The following DPH6 variants were observed in gnomAD, a reference collection of about 807,000 sequenced individuals.
DPH6 encodes diphthamine biosynthesis 6.
DPH6 carries 33 observed loss-of-function variants against 38.2 expected under a neutral mutation model. The observed-to-expected ratio is 0.86, with a 90% confidence interval of 0.65 to 1.15. The LOEUF (loss-of-function observed/expected upper bound fraction) is 1.15. DPH6 is among the 50% of genes most tolerant of loss of function. DPH6 has a pLI of 0.00. For synonymous variants in DPH6, 108 were observed against 103.0 expected, an observed-to-expected ratio of 1.05 and a Z score of -0.30; for missense variants, 325 against 320.0, an observed-to-expected ratio of 1.02 and a Z score of -0.12.
At chr15:35,479,734 T>C (rs944602492) in intron 3 of DPH6, among the ~76,000 whole-genome samples, 2 of 152,030 alleles carry the variant, frequency 1.3e-5, no homozygotes, top group Non-Finnish European at 2.9e-5. Context: ...CCCCTACAGG[T>C]CTCATGTTAA....
chr15:35,347,041 A>T (rs1435656993), intron 3 of DPH6, among the ~76,000 whole-genome samples: 1 of 152,076 alleles, frequency 6.6e-6, no homozygotes, highest in East Asian at 1.9e-4. Flanking sequence ...AGTATTTTTA[A>T]GTGTACAGTA....
At chr15:35,231,525 A>G (rs1242844505) in intron 3 of DPH6, among the ~76,000 whole-genome samples, 1 of 152,136 alleles carries the variant, frequency 6.6e-6, no homozygotes, top group African/African-American at 2.4e-5. Context: ...TTGTGTGTAG[A>G]AAGTTGTTAA....
intron 3 of DPH6, among the ~76,000 whole-genome samples, chr15:35,511,836 T>C (rs563339841): frequency 5.9e-5 from 9 of 152,280 alleles, no homozygotes; most frequent in African/African-American, 1.2e-4. Flanking sequence ...GATGGTGATA[T>C]ATTATTTTGC....
At chr15:35,248,555 T>A (rs1032755689) in intron 3 of DPH6, among the ~76,000 whole-genome samples, 2 of 152,222 alleles carry the variant, frequency 1.3e-5, no homozygotes, top group African/African-American at 4.8e-5. Flanking sequence ...CTACACGCTC[T>A]TCTTGCTTCA....
At chr15:35,500,517 A>G (rs992111177) in intron 3 of DPH6, among the ~76,000 whole-genome samples, 13 of 152,194 alleles carry the variant, frequency 8.5e-5, no homozygotes, top group African/African-American at 2.9e-4. Flanking sequence ...TGTGATTTGA[A>G]TAATAACACA....
chr15:35,162,487 T>C, the DPH6 span, among the ~76,000 whole-genome samples: 4 of 152,054 alleles, frequency 2.6e-5, no homozygotes, highest in Admixed American at 2.0e-4. Flanking sequence ...AGCTACTTAG[T>C]CCTTCTGAAA....
chr15:35,202,695 T>C, the DPH6 span, among the ~76,000 whole-genome samples: 2 of 151,848 alleles, frequency 1.3e-5, no homozygotes, highest in African/African-American at 4.8e-5. Flanking sequence ...AGCATTCTTT[T>C]GTACAGCATC....
intron 6 of DPH6, chr15:35,401,438 G>A (rs2053217654): frequency 7.7e-6 from 6 of 774,388 alleles, no homozygotes; most frequent in Non-Finnish European, 1.2e-5. Context: ...TATTCTGGAG[G>A]AAGCAGGGGC....
At chr15:35,339,770 CT>C (rs2052406020) in intron 3 of DPH6, among the ~76,000 whole-genome samples, 1 of 151,992 alleles carries the variant, frequency 6.6e-6, no homozygotes, top group East Asian at 1.9e-4. Context: ...GACTTTAGTT[CT>C]TTTGAATTTG....
intron 3 of DPH6, among the ~76,000 whole-genome samples, chr15:35,359,670 G>C (rs1231507056): frequency 6.6e-6 from 1 of 152,308 alleles, no homozygotes; most frequent in East Asian, 1.9e-4. Context: ...GTTTGGGAGA[G>C]AAAGGTCTCC....
chr15:35,507,380 C>T (rs989154587), intron 3 of DPH6, among the ~76,000 whole-genome samples: 1 of 151,896 alleles, frequency 6.6e-6, no homozygotes, highest in African/African-American at 2.4e-5. Context: ...TGAAAATAAA[C>T]AGTAATTTTA....
downstream of DPH6, among the ~76,000 whole-genome samples, chr15:35,370,682 T>C (rs1313870571): frequency 6.6e-6 from 1 of 151,694 alleles, no homozygotes; most frequent in African/African-American, 2.4e-5. Context: ...ATTCCTACAA[T>C]GCTCAATGCT....
chr15:35,522,303 G>T, intron 3 of DPH6: 1 of 1,607,444 alleles, frequency 6.2e-7, no homozygotes, highest in Non-Finnish European at 8.5e-7. Flanking sequence ...TTAGGAAAAC[G>T]TGGCAATCAG....
rs7162753 is a variant in DPH6, at chr15:35,465,727, A to G, written c.313-10907T>C. 9.7e-3 allele frequency among the ~76,000 whole-genome samples: 1,478 copies of G among 152,268 alleles called. 31 individuals are homozygous for G. The highest frequency in any genetic ancestry group is 0.034 in the African/African-American group (1,410 of 41,548). On this transcript the variant is annotated intron_variant, in intron 3 of 8. Transcript: ENST00000256538. ...AATGATCACCATCTGGAGCTCCCCC[A>G]TTAAACAGTGAGCTCATGACAGAAT...
At chr15:35,274,302 G>C (rs1377747318) in intron 3 of DPH6, among the ~76,000 whole-genome samples, 2 of 152,124 alleles carry the variant, frequency 1.3e-5, no homozygotes, top group Non-Finnish European at 1.5e-5. Context: ...TAAAACCCTG[G>C]AAGAAAACCT....
At chr15:35,386,677 T>C (rs1376391871) in intron 6 of DPH6, among the ~76,000 whole-genome samples, 1 of 152,122 alleles carries the variant, frequency 6.6e-6, no homozygotes, top group Non-Finnish European at 1.5e-5. Flanking sequence ...TCTTTGCCAA[T>C]TTTTTGATGG....
rs147567970 is a variant in DPH6 at position 35,227,079 on chromosome 15, C to T, written n.201-6497G>A. Reference sequence around the variant, plus strand: ...AGGTTGTATGTGCTGGAAATTTGTCCGTTTCTTTTAGATTTTCCAATTTAT... The same window carrying T: ...AGGTTGTATGTGCTGGAAATTTGTCTGTTTCTTTTAGATTTTCCAATTTAT... On this transcript the variant is annotated intron_variant and non_coding_transcript_variant, in intron 3 of 3. Coordinates refer to the DPH6 transcript ENST00000560386. Among the ~76,000 whole-genome samples, 452 of 151,232 alleles carry T rather than the reference C, an allele frequency of 3.0e-3. 1 individual carries two copies. Among genetic ancestry groups the T allele is most frequent in the Non-Finnish European group, 3.9e-3 (264 of 67,838 alleles).
intron 5 of DPH6, among the ~76,000 whole-genome samples, chr15:35,419,216 C>A (rs553192713): frequency 9.2e-5 from 14 of 152,132 alleles, no homozygotes; most frequent in Admixed American, 4.6e-4. Context: ...CAGACTCCCA[C>A]TGAACACACC....
intron 3 of DPH6, among the ~76,000 whole-genome samples, chr15:35,468,058 G>T (rs984853590): frequency 6.6e-6 from 1 of 152,130 alleles, no homozygotes; most frequent in African/African-American, 2.4e-5. Context: ...TCATAAAACT[G>T]AATTTCTTGA....
Sources: allele counts gnomAD v4.1 joint callset (sites outside exome capture counted in the v4.1 genomes callset), GRCh38; gene constraint gnomAD v4.1.1; transcripts MANE v1.5; gene names NCBI Gene and HGNC (gene_info 2026-07-23, HGNC 2026-07-21).